PACRG: variants seen among roughly 807,000 people sequenced by gnomAD.
PACRG encodes parkin coregulated.
PACRG carries 29 observed loss-of-function variants against 29.7 expected under a neutral mutation model. The observed-to-expected ratio is 0.98, with a 90% CI of 0.73 to 1.33. PACRG has a LOEUF of 1.33. Ranked by LOEUF, PACRG falls within the 40% of genes most tolerant of loss-of-function variation. The probability of loss-of-function intolerance (pLI) is 0.00; values close to 1 mark genes in which losing one functional copy is unlikely to be tolerated. For synonymous variants in PACRG, 116 were observed against 118.7 expected (o/e 0.98, Z 0.15); for missense variants, 279 against 316.2 (o/e 0.88, Z 0.89).
At chr6:162,854,239 C>T (rs961212243) in intron 2 of PACRG, among the ~76,000 whole-genome samples, 5 of 150,992 alleles carry the variant, frequency 3.3e-5, no homozygotes, top group African/African-American at 1.2e-4. Context: ...GTATCCTGCG[C>T]ATAGTAAGCA....
intron 4 of PACRG, among the ~76,000 whole-genome samples, chr6:163,200,242 T>C (rs995857713): frequency 6.6e-6 from 1 of 152,088 alleles, no homozygotes; most frequent in Non-Finnish European, 1.5e-5. Flanking sequence ...TTTTTTCTAA[T>C]ATAGAAAAGG....
intron 1 of PACRG, among the ~76,000 whole-genome samples, chr6:162,812,954 T>G (rs1177745959): frequency 6.6e-6 from 1 of 152,086 alleles, no homozygotes; most frequent in Non-Finnish European, 1.5e-5. Flanking sequence ...GAGTAAATTC[T>G]AAACTCTAAT....
chr6:162,779,526 C>T (rs970476577), intron 1 of PACRG, among the ~76,000 whole-genome samples: 4 of 152,120 alleles, frequency 2.6e-5, no homozygotes, highest in Non-Finnish European at 4.4e-5. Context: ...CTCTTTACTC[C>T]TCTGAGGCTT....
intron 4 of PACRG, among the ~76,000 whole-genome samples, chr6:163,139,677 A>G (rs1817076773): frequency 6.6e-6 from 1 of 151,314 alleles, no homozygotes; most frequent in Admixed American, 6.7e-5. Flanking sequence ...TTAATCCCTT[A>G]GTCTATTAGG....
Position 162,928,864 on chromosome 6 carries a change from T to C in PACRG, c.291+114583T>C, listed in dbSNP as rs140208521. ...GCTCCTACATATAAGTGAGAATGTA[T>C]GGTATTTGTCTTTCTGTGCATGGCA... On this transcript the variant is annotated intron_variant, in intron 2 of 4. Coordinates refer to ENST00000366888, the MANE Select transcript of PACRG (RefSeq NM_001080379.2). 2.3e-3 allele frequency among the ~76,000 whole-genome samples: 353 copies of C among 152,100 alleles called. 2 individuals carry two copies. The highest frequency in any genetic ancestry group is 7.9e-3 in the African/African-American group (328 of 41,534).
At chr6:162,813,877 T>C (rs1430578325) in intron 1 of PACRG, among the ~76,000 whole-genome samples, 1 of 152,138 alleles carries the variant, frequency 6.6e-6, no homozygotes, top group African/African-American at 2.4e-5. Context: ...AGTTTTCTCT[T>C]CCCTCTAAAG....
intron 2 of PACRG, among the ~76,000 whole-genome samples, chr6:163,025,858 G>A (rs1367759338): frequency 2.6e-5 from 4 of 152,230 alleles, no homozygotes; most frequent in African/African-American, 9.7e-5. Flanking sequence ...ACAAAGGTTG[G>A]CAAATGCAGA....
At chr6:162,979,590 A>C (rs1802239486) in intron 2 of PACRG, among the ~76,000 whole-genome samples, 1 of 152,122 alleles carries the variant, frequency 6.6e-6, no homozygotes. Flanking sequence ...TATCCAAAAA[A>C]TCCTTGTCCA....
intron 4 of PACRG, among the ~76,000 whole-genome samples, chr6:163,196,972 G>T (rs564501160): frequency 6.1e-5 from 9 of 147,648 alleles, no homozygotes; most frequent in African/African-American, 2.0e-4. Context: ...GATAGATAGA[G>T]GCGGACAGAC....
intron 4 of PACRG, among the ~76,000 whole-genome samples, chr6:163,298,953 C>T (rs1784884612): frequency 6.6e-6 from 1 of 152,130 alleles, no homozygotes; most frequent in Non-Finnish European, 1.5e-5. Context: ...CTGTAGTGGC[C>T]CCCCAAGTCC....
chr6:163,059,125 A>AT (rs1024603571), intron 2 of PACRG, among the ~76,000 whole-genome samples: 3 of 152,182 alleles, frequency 2.0e-5, no homozygotes, highest in Middle Eastern at 3.4e-3. Flanking sequence ...ACAGAAGATA[A>AT]TTTTTTGTAG....
chr6:163,133,765 C>T (rs531974938), intron 4 of PACRG, among the ~76,000 whole-genome samples: 3 of 152,178 alleles, frequency 2.0e-5, no homozygotes, highest in Non-Finnish European at 2.9e-5. Context: ...TCTTTCTTCC[C>T]CAGTCTCTCA....
intron 4 of PACRG, among the ~76,000 whole-genome samples, chr6:163,232,657 G>A (rs1052418474): frequency 1.3e-5 from 2 of 152,174 alleles, no homozygotes; most frequent in Admixed American, 1.3e-4. Context: ...CACCGGGGAA[G>A]GTCAACAGGT....
chr6:163,284,132 G>A (rs915585873), intron 4 of PACRG, among the ~76,000 whole-genome samples: 6 of 152,124 alleles, frequency 3.9e-5, no homozygotes, highest in Non-Finnish European at 7.4e-5. Context: ...AAATTAAATA[G>A]GGTTTAATAA....
At chr6:163,181,088 C>G (rs1489892364) in intron 4 of PACRG, among the ~76,000 whole-genome samples, 3 of 152,204 alleles carry the variant, frequency 2.0e-5, no homozygotes, top group African/African-American at 7.2e-5. Flanking sequence ...ACTAAACCAT[C>G]TATTCAGCTG....
intron 2 of PACRG, among the ~76,000 whole-genome samples, chr6:162,885,858 C>T (rs1211576358): frequency 2.0e-5 from 3 of 152,176 alleles, no homozygotes; most frequent in Admixed American, 2.0e-4. Flanking sequence ...TATGATCCTT[C>T]ATCCCTGTCT....
At chr6:162,968,656 T>A (rs777603098) in intron 2 of PACRG, among the ~76,000 whole-genome samples, 2 of 152,104 alleles carry the variant, frequency 1.3e-5, no homozygotes, top group African/African-American at 4.8e-5. Flanking sequence ...TGGAAAAAAA[T>A]TATTACCCGA....
chr6:162,796,571 T>C (rs1256712363), intron 1 of PACRG, among the ~76,000 whole-genome samples: 2 of 152,138 alleles, frequency 1.3e-5, no homozygotes, highest in African/African-American at 4.8e-5. Flanking sequence ...TTAATATACT[T>C]TCTCTTCTTC....
At chr6:163,146,941 G>A (rs1369321998) in intron 4 of PACRG, among the ~76,000 whole-genome samples, 1 of 152,194 alleles carries the variant, frequency 6.6e-6, no homozygotes, top group East Asian at 1.9e-4. Context: ...GCATGTGGGA[G>A]TTGATTAACT....
Sources: allele counts gnomAD v4.1 joint callset (sites outside exome capture counted in the v4.1 genomes callset), GRCh38; gene constraint gnomAD v4.1.1; transcripts MANE v1.5; gene names NCBI Gene and HGNC (gene_info 2026-07-23, HGNC 2026-07-21).